BRINP1: variants seen among roughly 807,000 people sequenced by gnomAD.
BRINP1 encodes BMP/retinoic acid-inducible neural-specific protein 1.
A neutral mutation model predicts 72.9 loss-of-function variants in BRINP1; 17 were observed. The ratio of observed to expected loss-of-function variants is 0.23; its 90% CI spans 0.16 to 0.35. BRINP1 has a LOEUF of 0.35. Among genes scored for constraint, BRINP1 ranks in the 10% least tolerant of loss-of-function variants. The pLI, the probability that BRINP1 is intolerant of heterozygous loss-of-function variation, is 1.00. For missense variants in BRINP1, 850 were observed against 1,001.6 expected (o/e 0.85, Z 2.04); for synonymous variants, 418 against 378.5 (o/e 1.10, Z -1.21).
At chr9:119,260,581 A>G (rs185036966) in intron 2 of BRINP1, among the ~76,000 whole-genome samples, 92 of 152,304 alleles carry the variant, frequency 6.0e-4, no homozygotes, top group African/African-American at 2.2e-3. Flanking sequence ...TCTTGCTCCC[A>G]AAATGTTTGA....
At position 119,167,250 on chromosome 9, in the gene BRINP1, G is replaced by C; in HGVS notation, c.2120C>G (p.Ala707Gly). The C allele has an allele frequency of 6.2e-7, 1 of 1,614,202 alleles. No individual in the cohort carries two copies. The highest frequency in any genetic ancestry group is 8.5e-7 in the Non-Finnish European group (1 of 1,180,044). Residue 707 changes from alanine to glycine, a missense_variant, in exon 8 of 8, where the codon GCC becomes GGC. Physicochemically the swap from Ala to Gly is moderately conservative, Grantham distance 60. Transcript: ENST00000265922. This position sits in a 1 kb window ranked among gnomAD's most constrained non-coding sequence, Gnocchi z 4.3. Reference protein sequence around the residue: ...LDIRDRINRLAPPVAPGKPQL... With the variant: ...LDIRDRINRLGPPVAPGKPQL... ...GGGTTTCCCCGGGGCCACAGGAGGG[G>C]CCAGGCGATTAATTCGGTCCCGAAT...
At chr9:119,248,065 G>C (rs1357972701) in intron 3 of BRINP1, among the ~76,000 whole-genome samples, 1 of 152,124 alleles carries the variant, frequency 6.6e-6, no homozygotes, top group African/African-American at 2.4e-5. Flanking sequence ...CAGGAAGTCT[G>C]TACTGACCAC....
chr9:119,335,294 G>T (rs1293333298), intron 1 of BRINP1, among the ~76,000 whole-genome samples: 1 of 152,168 alleles, frequency 6.6e-6, no homozygotes, highest in Non-Finnish European at 1.5e-5. Flanking sequence ...GCCCAGCTAG[G>T]TTTCTAATTC....
intron 5 of BRINP1, among the ~76,000 whole-genome samples, chr9:119,229,217 T>C (rs2118894693): frequency 6.6e-6 from 1 of 152,212 alleles, no homozygotes; most frequent in Admixed American, 6.5e-5. Context: ...GAGCACTTGA[T>C]ATTGGCCAAG....
At chr9:119,315,001 A>C (rs187316516) in intron 1 of BRINP1, among the ~76,000 whole-genome samples, 4 of 152,272 alleles carry the variant, frequency 2.6e-5, no homozygotes, top group Admixed American at 2.6e-4. Flanking sequence ...CCCTGTTTAA[A>C]TCCTTCAATA....
chr9:119,267,969 G>T (rs1479188924), intron 2 of BRINP1, among the ~76,000 whole-genome samples: 1 of 152,140 alleles, frequency 6.6e-6, no homozygotes, highest in Non-Finnish European at 1.5e-5. Flanking sequence ...TAGGTCAGGT[G>T]CAGTGGCTCA....
intron 1 of BRINP1, among the ~76,000 whole-genome samples, chr9:119,318,532 A>G (rs1385115481): frequency 6.6e-6 from 1 of 152,124 alleles, no homozygotes; most frequent in Non-Finnish European, 1.5e-5. Flanking sequence ...TCTTGTTCAG[A>G]GCCTAAAACA....
At chr9:119,257,614 C>T (rs1361302088) in intron 2 of BRINP1, among the ~76,000 whole-genome samples, 2 of 152,076 alleles carry the variant, frequency 1.3e-5, no homozygotes, top group Non-Finnish European at 2.9e-5. Context: ...TTCTGAGTAT[C>T]GGGGTGATAG....
At chr9:119,234,017 T>G (rs751545050) in intron 5 of BRINP1, among the ~76,000 whole-genome samples, 3 of 152,240 alleles carry the variant, frequency 2.0e-5, no homozygotes, top group African/African-American at 7.2e-5. Flanking sequence ...ATTGTATGAA[T>G]GTATGACAAT....
At chr9:119,321,281 G>C (rs1831183934) in intron 1 of BRINP1, among the ~76,000 whole-genome samples, 1 of 152,118 alleles carries the variant, frequency 6.6e-6, no homozygotes, top group African/African-American at 2.4e-5. Flanking sequence ...GGTTCAGAAA[G>C]GCGAAGTAAC....
intron 2 of BRINP1, among the ~76,000 whole-genome samples, chr9:119,300,373 C>T (rs1020253087): frequency 6.6e-6 from 1 of 152,008 alleles, no homozygotes; most frequent in African/African-American, 2.4e-5. Context: ...AATAGTATAA[C>T]TAAACTCTTT....
At chr9:119,299,750 A>G (rs1236250658) in intron 2 of BRINP1, among the ~76,000 whole-genome samples, 1 of 152,178 alleles carries the variant, frequency 6.6e-6, no homozygotes, top group East Asian at 1.9e-4. Context: ...AAGACTGAAT[A>G]GTATTCCATC....
intron 4 of BRINP1, 96 bp downstream of exon 4, chr9:119,241,951 C>T: frequency 1.5e-6 from 2 of 1,368,406 alleles, no homozygotes; most frequent in Non-Finnish European, 2.0e-6. Flanking sequence ...TGGTTATGAA[C>T]CCAGAAATTA....
intron 2 of BRINP1, among the ~76,000 whole-genome samples, chr9:119,296,274 C>A (rs1182458715): frequency 6.6e-6 from 1 of 152,132 alleles, no homozygotes; most frequent in Non-Finnish European, 1.5e-5. Context: ...AAATGGCCAA[C>A]AGGTACACAA....
intron 7 of BRINP1, among the ~76,000 whole-genome samples, chr9:119,174,259 C>T (rs1443242358): frequency 6.6e-6 from 1 of 150,472 alleles, no homozygotes. Flanking sequence ...TGAACTCAAA[C>T]AAATTTACAA....
chr9:119,303,098 T>C (rs1830956230), intron 2 of BRINP1, among the ~76,000 whole-genome samples: 2 of 152,164 alleles, frequency 1.3e-5, no homozygotes, highest in Non-Finnish European at 2.9e-5. Flanking sequence ...TACTTCTTTC[T>C]CATACAAAGC....
At chr9:119,201,336 A>T (rs1322059190) in intron 7 of BRINP1, among the ~76,000 whole-genome samples, 1 of 152,220 alleles carries the variant, frequency 6.6e-6, no homozygotes, top group African/African-American at 2.4e-5. Flanking sequence ...AATAGTCTTG[A>T]ATTGAACTAT....
intron 1 of BRINP1, among the ~76,000 whole-genome samples, chr9:119,321,874 C>T (rs763471819): frequency 4.6e-5 from 7 of 152,166 alleles, no homozygotes; most frequent in Non-Finnish European, 1.0e-4. Context: ...TAAAATTACA[C>T]ATGTGGCTGG....
At chr9:119,250,614 A>G (rs1454205159) in intron 2 of BRINP1, among the ~76,000 whole-genome samples, 3 of 152,228 alleles carry the variant, frequency 2.0e-5, no homozygotes, top group African/African-American at 7.2e-5. Context: ...TTTTCTCACA[A>G]GTTCCCAGAC....
Sources: allele counts gnomAD v4.1 joint callset (sites outside exome capture counted in the v4.1 genomes callset), GRCh38; gene constraint gnomAD v4.1.1; non-coding constraint Gnocchi (gnomAD v3.1); transcripts MANE v1.5; gene names NCBI Gene and HGNC (gene_info 2026-07-23, HGNC 2026-07-21).